Variants in ZMAT4 observed in about 807,000 individuals in gnomAD.
The protein encoded by ZMAT4 is zinc finger matrin-type protein 4.
Under a neutral mutation model 28.7 loss-of-function variants are expected in ZMAT4, and 17 were observed. The ratio of observed to expected loss-of-function variants is 0.59; its 90% confidence interval spans 0.41 to 0.89. The LOEUF is 0.89. Ranked by LOEUF, ZMAT4 falls within the 40% of genes least tolerant of loss-of-function variation. The probability of loss-of-function intolerance (pLI) is 0.00; values close to 1 mark genes in which losing one functional copy is unlikely to be tolerated. For missense variants in ZMAT4, 240 were observed against 283.8 expected, an observed-to-expected ratio of 0.85 and a Z score of 1.11; for synonymous variants, 117 against 109.2, an observed-to-expected ratio of 1.07 and a Z score of -0.44.
rs1808847706 is a variant in ZMAT4, at chr8:40,674,908, G to A, written c.373C>T (p.Pro125Ser). 6 of 1,612,958 alleles carry A rather than the reference G, an allele frequency of 3.7e-6. No homozygotes were observed. Among genetic ancestry groups the A allele is most frequent in the Non-Finnish European group, 5.1e-6 (6 of 1,179,796 alleles). The change falls in exon 5 of 7, where the codon CCC (proline) becomes TCC (serine). Residue 125 changes from proline (P) to serine (S), a missense_variant. Pro to Ser is a moderately conservative substitution (Grantham distance 74). Transcript: ENST00000297737. Reference protein sequence around the residue: ...TTATPLSPLKPPRMDTAPVVA... With the variant: ...TTATPLSPLKSPRMDTAPVVA... ...ACCGGAGCAGTGTCCATCCGTGGGG[G>A]CTTAAGTGGGCTCAGGGGTGTTGCT...
chr8:40,627,523 A>T (rs547595491), intron 5 of ZMAT4, among the ~76,000 whole-genome samples: 1 of 152,306 alleles, frequency 6.6e-6, no homozygotes, highest in South Asian at 2.1e-4. Context: ...GTATTCCTAA[A>T]ATATTCAATA....
At chr8:40,611,645 C>T (rs1420229953) in intron 5 of ZMAT4, among the ~76,000 whole-genome samples, 1 of 152,152 alleles carries the variant, frequency 6.6e-6, no homozygotes, top group Admixed American at 6.5e-5. Context: ...CAGCCAGAAA[C>T]TCACATTTTA....
At chr8:40,781,444 A>G (rs1235887711) in intron 2 of ZMAT4, among the ~76,000 whole-genome samples, 5 of 152,174 alleles carry the variant, frequency 3.3e-5, no homozygotes, top group Admixed American at 3.3e-4. Context: ...AGATGGATAT[A>G]TAGATCAATG....
chr8:40,773,942 G>C (rs930516123), intron 2 of ZMAT4, among the ~76,000 whole-genome samples: 3 of 151,992 alleles, frequency 2.0e-5, no homozygotes, highest in African/African-American at 7.2e-5. Flanking sequence ...CAAATACATG[G>C]AATATAATAA....
intron 5 of ZMAT4, among the ~76,000 whole-genome samples, chr8:40,653,931 G>T (rs1009457194): frequency 4.6e-5 from 7 of 152,130 alleles, no homozygotes; most frequent in Admixed American, 1.3e-4. Flanking sequence ...TCATATAAAT[G>T]AGCCAAAGAT....
At chr8:40,543,126 G>T (rs553939744) in intron 6 of ZMAT4, among the ~76,000 whole-genome samples, 25 of 151,572 alleles carry the variant, frequency 1.6e-4, no homozygotes, top group South Asian at 4.2e-4. Flanking sequence ...CAGAGTTTAC[G>T]TGCCATCCAG....
chr8:40,681,789 T>G (rs1297856276), intron 4 of ZMAT4, among the ~76,000 whole-genome samples: 2 of 152,162 alleles, frequency 1.3e-5, no homozygotes, highest in Non-Finnish European at 2.9e-5. Flanking sequence ...ATTAAACTTA[T>G]TTTACAGGGT....
intron 6 of ZMAT4, among the ~76,000 whole-genome samples, chr8:40,552,109 A>G (rs1803385663): frequency 6.6e-6 from 1 of 152,188 alleles, no homozygotes; most frequent in Non-Finnish European, 1.5e-5. Context: ...GTATGTCTTC[A>G]GGATTAAAAT....
intron 2 of ZMAT4, among the ~76,000 whole-genome samples, chr8:40,819,326 A>G (rs1372705850): frequency 1.3e-5 from 2 of 152,184 alleles, no homozygotes; most frequent in Non-Finnish European, 2.9e-5. Context: ...CTATAAAACT[A>G]TCACCCATAA....
intron 1 of ZMAT4, among the ~76,000 whole-genome samples, chr8:40,845,887 A>G (rs2150630720): frequency 6.6e-6 from 1 of 152,236 alleles, no homozygotes; most frequent in South Asian, 2.1e-4. Context: ...GCGGCCCCAA[A>G]AGACAACAAG....
intron 5 of ZMAT4, among the ~76,000 whole-genome samples, chr8:40,650,824 A>G (rs1807605417): frequency 6.6e-6 from 1 of 151,532 alleles, no homozygotes; most frequent in Non-Finnish European, 1.5e-5. Context: ...AAAGACAAAA[A>G]CCACATGATT....
intron 1 of ZMAT4, among the ~76,000 whole-genome samples, chr8:40,867,588 T>C (rs1036780286): frequency 1.5e-4 from 23 of 152,218 alleles, no homozygotes; most frequent in African/African-American, 5.1e-4. Flanking sequence ...ACCAGCCTCC[T>C]TGCTGCCTCT....
rs1384460924 is a variant in ZMAT4, at chr8:40,674,610, TA to T, written c.577+93del. 9.6e-6 allele frequency: 10 copies of T among 1,040,644 alleles called. No individual in the cohort carries two copies. In the African/African-American group the frequency reaches 1.4e-4, roughly 15 times the overall value. The allele number at this position is 1,040,644 out of a possible 1,614,324, so 64.5% of individuals were successfully genotyped here. On this transcript the variant is annotated intron_variant, in intron 5 of 6. Coordinates refer to ENST00000297737, the MANE Select transcript of ZMAT4 (RefSeq NM_024645.3). ...TGAGCCTCACTTTTTCCTTAATAAT[TA>T]AAGCAAGAAGAAGAATCATTCCGAT...
At chr8:40,748,393 T>A (rs1812326683) in intron 3 of ZMAT4, among the ~76,000 whole-genome samples, 1 of 152,230 alleles carries the variant, frequency 6.6e-6, no homozygotes, top group Non-Finnish European at 1.5e-5. Flanking sequence ...GCTGCATTTT[T>A]AATATCTATT....
At chr8:40,847,037 T>C (rs1816927538) in intron 1 of ZMAT4, among the ~76,000 whole-genome samples, 1 of 151,946 alleles carries the variant, frequency 6.6e-6, no homozygotes, top group South Asian at 2.1e-4. Context: ...TGAAATCCCA[T>C]CTCTACTATA....
chr8:40,783,828 T>C (rs1355410329), intron 2 of ZMAT4, among the ~76,000 whole-genome samples: 1 of 152,092 alleles, frequency 6.6e-6, no homozygotes, highest in East Asian at 1.9e-4. Context: ...CCGGCCAACA[T>C]GGTGAAACCC....
At chr8:40,669,012 G>C (rs1206765418) in intron 5 of ZMAT4, among the ~76,000 whole-genome samples, 1 of 151,984 alleles carries the variant, frequency 6.6e-6, no homozygotes, top group Non-Finnish European at 1.5e-5. Flanking sequence ...AGGGGGGTCA[G>C]GAACTTTAAG....
rs752733869 is a variant in ZMAT4, at chr8:40,625,511, A to G, written c.578-44250T>C. On this transcript the variant is annotated intron_variant, in intron 5 of 6. Transcript: ENST00000297737. ...TGAAAAATGGCCAAATTGTGGGTCT[A>G]TTTGGGAGCAGAGAATACTGGGTTT... Among the ~76,000 whole-genome samples the G allele has an allele frequency of 3.9e-4, 60 of 152,254 alleles. 1 individual carries two copies. In the Middle Eastern group the frequency reaches 0.01, roughly 26 times the overall value.
chr8:40,690,137 A>C (rs1809597912), intron 4 of ZMAT4, among the ~76,000 whole-genome samples: 1 of 152,182 alleles, frequency 6.6e-6, no homozygotes, highest in Non-Finnish European at 1.5e-5. Flanking sequence ...AATTCAGCTT[A>C]CCTCACATTG....
Sources: allele counts gnomAD v4.1 joint callset (sites outside exome capture counted in the v4.1 genomes callset), GRCh38; gene constraint gnomAD v4.1.1; transcripts MANE v1.5; gene names NCBI Gene and HGNC (gene_info 2026-07-23, HGNC 2026-07-21).